The following BTBD9 variants were observed in gnomAD, a reference collection of about 807,000 sequenced individuals.
BTBD9 encodes the protein BTB domain containing 9, also known as BTB/POZ domain-containing protein 9.
A neutral mutation model predicts 64.3 loss-of-function variants in BTBD9; 49 were observed. The ratio of observed to expected loss-of-function variants is 0.76; its 90% CI spans 0.61 to 0.97. The LOEUF (loss-of-function observed/expected upper bound fraction) is 0.97. Ranked by LOEUF, BTBD9 falls within the 50% of genes least tolerant of loss-of-function variation. The probability of loss-of-function intolerance (pLI) is 0.00; values close to 1 mark genes in which losing one functional copy is unlikely to be tolerated. For synonymous variants in BTBD9, 260 were observed against 274.7 expected (o/e 0.95, Z 0.53); for missense variants, 598 against 762.1 (o/e 0.78, Z 2.53).
chr6:38,179,056 T>C (rs1761420097), intron 10 of BTBD9, among the ~76,000 whole-genome samples: 1 of 152,150 alleles, frequency 6.6e-6, no homozygotes, highest in East Asian at 1.9e-4. Flanking sequence ...TTTCACCATG[T>C]TGGCCAGGAT....
chr6:38,558,505 C>G (rs1033708293), intron 6 of BTBD9, among the ~76,000 whole-genome samples: 10 of 152,112 alleles, frequency 6.6e-5, no homozygotes, highest in Non-Finnish European at 1.2e-4. Context: ...AGCTTTTGCC[C>G]ATTTAGTATG....
chr6:38,299,326 C>T (rs374629271), intron 7 of BTBD9, among the ~76,000 whole-genome samples: 46 of 152,150 alleles, frequency 3.0e-4, no homozygotes, highest in African/African-American at 7.2e-4. Context: ...TACGTGTGCA[C>T]GTGTCTTTAT....
intron 6 of BTBD9, among the ~76,000 whole-genome samples, chr6:38,347,497 C>T (rs1399296900): frequency 6.6e-6 from 1 of 152,102 alleles, no homozygotes; most frequent in Non-Finnish European, 1.5e-5. Flanking sequence ...AAAATTGTAG[C>T]ATAATTTGCA....
chr6:38,608,643 T>C (rs1171919539), intron 1 of BTBD9, among the ~76,000 whole-genome samples: 3 of 152,206 alleles, frequency 2.0e-5, no homozygotes, highest in Non-Finnish European at 2.9e-5. Flanking sequence ...TAGAATGTTA[T>C]AAAAATGTTC....
intron 7 of BTBD9, among the ~76,000 whole-genome samples, chr6:38,320,595 G>A (rs2127575699): frequency 6.6e-6 from 1 of 152,196 alleles, no homozygotes; most frequent in South Asian, 2.1e-4. Context: ...CAGCTTCCTA[G>A]GCAACGTCAA....
At chr6:38,535,637 T>A (rs1773991243) in intron 6 of BTBD9, among the ~76,000 whole-genome samples, 1 of 152,070 alleles carries the variant, frequency 6.6e-6, no homozygotes, top group African/African-American at 2.4e-5. Context: ...CAAAACAGCA[T>A]GTTACTGGCA....
chr6:38,494,216 T>C (rs777337448), intron 6 of BTBD9, among the ~76,000 whole-genome samples: 10 of 152,368 alleles, frequency 6.6e-5, no homozygotes, highest in Non-Finnish European at 1.2e-4. Context: ...GGTGTTAAGC[T>C]GGTAACATTA....
At chr6:38,214,010 A>AGATAAT (rs1554128877) in intron 9 of BTBD9, among the ~76,000 whole-genome samples, 1 of 147,600 alleles carries the variant, frequency 6.8e-6, no homozygotes, top group Non-Finnish European at 1.5e-5. Flanking sequence ...AAACAAACAA[A>AGATAAT]AATAATAATA....
At chr6:38,579,426 T>A (rs1189250916) in intron 5 of BTBD9, among the ~76,000 whole-genome samples, 1 of 152,172 alleles carries the variant, frequency 6.6e-6, no homozygotes, top group African/African-American at 2.4e-5. Flanking sequence ...AAGGAAACAG[T>A]TCAGTTCTTG....
chr6:38,187,443 A>T (rs1309567910), intron 10 of BTBD9, among the ~76,000 whole-genome samples: 1 of 152,166 alleles, frequency 6.6e-6, no homozygotes, highest in Non-Finnish European at 1.5e-5. Flanking sequence ...ATGGAAGCGG[A>T]GGGTGGATGT....
chr6:38,621,451 T>G (rs957886814), intron 1 of BTBD9, among the ~76,000 whole-genome samples: 3 of 152,194 alleles, frequency 2.0e-5, no homozygotes, highest in African/African-American at 7.2e-5. Context: ...TGATGGAAGT[T>G]CATTTGTGGA....
Position 38,168,674 on chromosome 6 carries a change from T to C in BTBD9, c.*6311A>G, listed in dbSNP as rs56401777. 0.28 allele frequency: 42,351 copies of C among 152,228 alleles called. 5,901 individuals are homozygous for C. The highest frequency in any genetic ancestry group is 0.32 in the South Asian group (1,548 of 4,822). 9.4% of individuals were successfully genotyped at this position (152,228 alleles called of 1,614,324 possible). A position where few individuals can be genotyped will look rare whatever the true frequency, so the allele number is the denominator to read the frequency against. ...CGGAGCTTCTGGAGTCACAGAGCCA[T>C]TCCCAACCCAGGCCTGGCATGGTCC... On this transcript the variant is annotated 3_prime_UTR_variant, in exon 11 of 11. Coordinates refer to ENST00000481247, the MANE Select transcript of BTBD9 (RefSeq NM_001099272.2).
chr6:38,506,646 C>A (rs1164888115), intron 6 of BTBD9, among the ~76,000 whole-genome samples: 1 of 152,216 alleles, frequency 6.6e-6, no homozygotes, highest in Non-Finnish European at 1.5e-5. Flanking sequence ...ATTTTACTAG[C>A]CAGTCTCTTT....
chr6:38,521,741 C>T (rs1278378135), intron 6 of BTBD9, among the ~76,000 whole-genome samples: 2 of 152,238 alleles, frequency 1.3e-5, no homozygotes, highest in South Asian at 2.1e-4. Context: ...ATGGCACGAT[C>T]TTGGCTCACT....
chr6:38,304,560 A>AC (rs1230828595), intron 7 of BTBD9, among the ~76,000 whole-genome samples: 1 of 148,566 alleles, frequency 6.7e-6, no homozygotes, highest in Non-Finnish European at 1.5e-5. Context: ...AACAAACAAA[A>AC]AAAAAAAAAA....
chr6:38,522,135 T>A (rs2127420602), intron 6 of BTBD9, among the ~76,000 whole-genome samples: 1 of 152,294 alleles, frequency 6.6e-6, no homozygotes, highest in East Asian at 1.9e-4. Context: ...TCCCATCTGC[T>A]CCAGCTCCTT....
chr6:38,176,928 G>A (rs1367238728), intron 10 of BTBD9, among the ~76,000 whole-genome samples: 1 of 152,170 alleles, frequency 6.6e-6, no homozygotes, highest in Non-Finnish European at 1.5e-5. Context: ...CCTTGAGAGT[G>A]CAGTCCCGGT....
Position 38,554,035 on chromosome 6 carries a change from T to C in BTBD9, c.1154+23565A>G, listed in dbSNP as rs191048882. On this transcript the variant is annotated intron_variant, in intron 6 of 10. Coordinates refer to ENST00000481247, the MANE Select transcript of BTBD9 (RefSeq NM_001099272.2). ...AACATTTTGATGAAAATTTTGATCA[T>C]ACTAATAAAAGAAACCATATGGTAT... Among the ~76,000 whole-genome samples, 3 of 152,274 alleles carry C rather than the reference T, an allele frequency of 2.0e-5. No individual in the cohort carries two copies. The East Asian group carries it at 5.8e-4, about 29-fold the overall frequency.
At chr6:38,265,478 G>A (rs1764940001) in intron 8 of BTBD9, among the ~76,000 whole-genome samples, 1 of 151,244 alleles carries the variant, frequency 6.6e-6, no homozygotes, top group Non-Finnish European at 1.5e-5. Context: ...CCAAAACTTG[G>A]AGACAATACA....
Sources: allele counts gnomAD v4.1 joint callset (sites outside exome capture counted in the v4.1 genomes callset), GRCh38; gene constraint gnomAD v4.1.1; transcripts MANE v1.5; gene names NCBI Gene and HGNC (gene_info 2026-07-23, HGNC 2026-07-21).